RAPGEF1: variants seen among roughly 807,000 people sequenced by gnomAD.
The protein encoded by RAPGEF1 is Rap guanine nucleotide exchange factor 1, also known as CRK SH3-binding GNRP.
In RAPGEF1, 33 loss-of-function variants were observed where a neutral mutation model predicts 143.3. The observed-to-expected ratio is 0.23, with a 90% confidence interval of 0.17 to 0.31. RAPGEF1 has a LOEUF of 0.31. Among genes scored for constraint, RAPGEF1 ranks in the 10% least tolerant of loss-of-function variants. The probability of loss-of-function intolerance (pLI) is 1.00; values close to 1 mark genes in which losing one functional copy is unlikely to be tolerated. For synonymous variants in RAPGEF1, 629 were observed against 676.5 expected (o/e 0.93, Z 1.09); for missense variants, 1,199 against 1,645.4 (o/e 0.73, Z 4.69).
chr9:131,636,704 A>C (rs560328403), intron 5 of RAPGEF1, among the ~76,000 whole-genome samples: 1 of 152,320 alleles, frequency 6.6e-6, no homozygotes, highest in African/African-American at 2.4e-5. Context: ...CAGGAACAGC[A>C]GGGGTGGGTG....
chr9:131,738,964 C>G (rs1254208801), intron 1 of RAPGEF1, among the ~76,000 whole-genome samples: 2 of 152,322 alleles, frequency 1.3e-5, no homozygotes, highest in South Asian at 4.1e-4. Flanking sequence ...GCTCCCAGTA[C>G]AGGAGCCCAG....
intron 1 of RAPGEF1, among the ~76,000 whole-genome samples, chr9:131,679,138 A>G (rs1333751323): frequency 6.8e-6 from 1 of 147,016 alleles, no homozygotes; most frequent in East Asian, 2.1e-4. Flanking sequence ...ACACGAGGAA[A>G]TCCCAACTGC....
chr9:131,582,351 A>G (rs1951992501), intron 25 of RAPGEF1, among the ~76,000 whole-genome samples: 10 of 151,504 alleles, frequency 6.6e-5, no homozygotes, highest in Admixed American at 6.6e-4. Context: ...GGAAAGGAGA[A>G]CCCGTATTCT....
At chr9:131,620,829 G>C (rs1960720756) in intron 11 of RAPGEF1, among the ~76,000 whole-genome samples, 1 of 152,222 alleles carries the variant, frequency 6.6e-6, no homozygotes. Context: ...GTCTGCAGCT[G>C]CCTCCCAGAA....
At chr9:131,695,389 C>A (rs1834092696) in intron 1 of RAPGEF1, among the ~76,000 whole-genome samples, 2 of 152,210 alleles carry the variant, frequency 1.3e-5, no homozygotes, top group South Asian at 4.1e-4. Flanking sequence ...ATGGTAGCTA[C>A]CCATGGATGA....
At chr9:131,625,608 C>T (rs1211434712) in intron 10 of RAPGEF1, among the ~76,000 whole-genome samples, 2 of 152,212 alleles carry the variant, frequency 1.3e-5, no homozygotes, top group African/African-American at 4.8e-5. Flanking sequence ...CCAGGACACT[C>T]GTTCCCCTCT....
At chr9:131,682,926 A>C (rs969104243) in intron 1 of RAPGEF1, among the ~76,000 whole-genome samples, 1 of 152,214 alleles carries the variant, frequency 6.6e-6, no homozygotes, top group Non-Finnish European at 1.5e-5. Flanking sequence ...CCGCTGAAAT[A>C]TATCAAAGTA....
chr9:131,724,323 C>T lies in RAPGEF1; in HGVS notation c.61+15447G>A, dbSNP rs191300824. On this transcript the variant is annotated intron_variant, in intron 1 of 26. Transcript: ENST00000683357. ...GGAAAAAAGTCCACTCGGCCGGGCA[C>T]GGTGGCTCACGCCTGTAATCCCAGC... 2.9e-4 allele frequency among the ~76,000 whole-genome samples: 44 copies of T among 152,282 alleles called. No individual in the cohort carries two copies. The East Asian group carries it at 7.0e-3, about 24-fold the overall frequency.
At chr9:131,685,737 A>G (rs1833292356) in intron 1 of RAPGEF1, among the ~76,000 whole-genome samples, 1 of 151,966 alleles carries the variant, frequency 6.6e-6, no homozygotes, top group Non-Finnish European at 1.5e-5. Context: ...TCACACCTCT[A>G]TATTTCTGTG....
At position 131,650,271 on chromosome 9, in the gene RAPGEF1, A is replaced by C; in HGVS notation, c.202-29T>G. On this transcript the variant is annotated intron_variant, in intron 2 of 26. Coordinates refer to ENST00000683357, the MANE Select transcript of RAPGEF1 (RefSeq NM_001377935.1). This position sits in a 1 kb window ranked among gnomAD's most constrained non-coding sequence, Gnocchi z 4.7. ...GAAGAGAGGAAACCTGGATTCCTAC[A>C]GAGTTTGAAATGGCTGTTTGAGGCC... 1 of 1,554,578 alleles carries C rather than the reference A, an allele frequency of 6.4e-7. No homozygotes were observed. The highest frequency in any genetic ancestry group is 8.8e-7 in the Non-Finnish European group (1 of 1,130,710).
At chr9:131,647,151 G>A (rs924240794) in intron 3 of RAPGEF1, among the ~76,000 whole-genome samples, 2 of 152,144 alleles carry the variant, frequency 1.3e-5, no homozygotes, top group Non-Finnish European at 1.5e-5. Context: ...TTAAAAGGTT[G>A]CAAAAAAGTT....
intron 1 of RAPGEF1, among the ~76,000 whole-genome samples, chr9:131,671,567 T>TA (rs113962658): frequency 1.3e-5 from 2 of 152,334 alleles, no homozygotes; most frequent in African/African-American, 4.8e-5. Context: ...AGGTGGTCTA[T>TA]AAGCTGACAA....
In RAPGEF1 at chr9:131,619,186, GGAA is replaced by G. The variant is rs1959944170; in HGVS notation, c.1923_1925del (p.Ser642del). The G allele has an allele frequency of 1.5e-6, 2 of 1,306,024 alleles. No individual in the cohort carries two copies. The highest frequency in any genetic ancestry group is 1.5e-5 in the African/African-American group (1 of 66,080). 80.9% of individuals were successfully genotyped at this position (1,306,024 alleles called of 1,614,324 possible). A position where few individuals can be genotyped will look rare whatever the true frequency, so the allele number is the denominator to read the frequency against. On this transcript the variant is annotated inframe_deletion, in exon 12 of 27. Transcript: ENST00000683357. ...GGACACAGTGGGAGACAGAGGAGAA[GGAA>G]GAAGCAGCACAGGAGGCCTGCTGGA...
In RAPGEF1 at chr9:131,660,706, A is replaced by G. The variant is rs956864073; in HGVS notation, c.62-9757T>C. 2.0e-5 allele frequency among the ~76,000 whole-genome samples: 3 copies of G among 152,326 alleles called. No individual in the cohort carries two copies. In the East Asian group the frequency reaches 5.8e-4, roughly 29 times the overall value. ...ATGCGACATAGTCAAACTGCCCCCC[A>G]CTGAGCTGAATGCAGCCAGCACTGC... On this transcript the variant is annotated intron_variant, in intron 1 of 26. Transcript: ENST00000683357.
At position 131,650,076 on chromosome 9, in the gene RAPGEF1, G is replaced by T. The variant is rs1369896696; in HGVS notation, c.315+53C>A. On this transcript the variant is annotated intron_variant, in intron 3 of 26. Transcript: ENST00000683357. The surrounding 1 kb of genome is among the most constrained non-coding windows in gnomAD (Gnocchi z 4.7). ...TTCCATCCCCAAAACCATGGACCAG[G>T]ATTCTGCAGTAGAAGGCAAGGCAAA... The T allele has an allele frequency of 1.8e-5, 25 of 1,424,144 alleles. No homozygotes were observed. The highest frequency in any genetic ancestry group is 1.8e-4 in the Middle Eastern group (1 of 5,684). 88.2% of individuals were successfully genotyped at this position (1,424,144 alleles called of 1,614,324 possible). A position where few individuals can be genotyped will look rare whatever the true frequency, so the allele number is the denominator to read the frequency against.
rs76226111 is a variant in RAPGEF1 at position 131,658,901 on chromosome 9, G to A, written c.62-7952C>T. ...TCTTTCTGTGTCATTTGTAGCAGCA[G>A]CTGGGTTCCCAACTTAGCAGTGGTT... On this transcript the variant is annotated intron_variant, in intron 1 of 26. Transcript: ENST00000683357. 1.6e-3 allele frequency among the ~76,000 whole-genome samples: 237 copies of A among 152,348 alleles called. 2 individuals are homozygous for A. In the East Asian group the frequency reaches 0.017, roughly 11 times the overall value.
At position 131,726,619 on chromosome 9, in the gene RAPGEF1, C is replaced by CT. The variant is rs1312016810; in HGVS notation, c.61+13150dup. On this transcript the variant is annotated intron_variant, in intron 1 of 26. Transcript: ENST00000683357. ...CCAGCCTGGGGGACAGAGCGAGACTCTGTCTCAAGAAAAAAAAAAAGAAAG... is the reference window on the plus strand; with the variant it reads ...CCAGCCTGGGGGACAGAGCGAGACTCTTGTCTCAAGAAAAAAAAAAAGAAAG... Among the ~76,000 whole-genome samples, 9 of 74,020 alleles carry CT rather than the reference C, an allele frequency of 1.2e-4. No individual in the cohort carries two copies. The South Asian group carries it at 2.5e-3, about 20-fold the overall frequency. The allele number at this position is 74,020 out of a possible 152,430, so 48.6% of individuals were successfully genotyped here. A position where few individuals can be genotyped will look rare whatever the true frequency, so the allele number is the denominator to read the frequency against.
At chr9:131,620,578 C>T (rs553238291) in intron 11 of RAPGEF1, among the ~76,000 whole-genome samples, 97 of 152,216 alleles carry the variant, frequency 6.4e-4, no homozygotes, top group African/African-American at 2.1e-3. Flanking sequence ...GAAAATGGCA[C>T]GTGCGACACG....
intron 1 of RAPGEF1, among the ~76,000 whole-genome samples, chr9:131,705,528 G>A (rs1465066915): frequency 1.3e-5 from 2 of 152,100 alleles, no homozygotes; most frequent in Admixed American, 1.3e-4. Flanking sequence ...GAACTCTCAG[G>A]GTCACACTTG....
Sources: gnomAD v4.1 joint callset for allele counts (sites outside exome capture counted in the v4.1 genomes callset) on GRCh38, gnomAD v4.1.1 for gene constraint, Gnocchi (gnomAD v3.1) non-coding constraint, MANE v1.5 for transcripts, NCBI Gene and HGNC (gene_info 2026-07-23, HGNC 2026-07-21) for gene names.